Variants in LAMA3 observed in about 807,000 individuals in gnomAD.
LAMA3 encodes laminin subunit alpha-3.
In LAMA3, 281 loss-of-function variants were observed where a neutral mutation model predicts 402.0. The ratio of observed to expected loss-of-function variants is 0.70; its 90% CI spans 0.63 to 0.77. The LOEUF is 0.77. Among genes scored for constraint, LAMA3 ranks in the 30% least tolerant of loss-of-function variants. The pLI is 0.00. For synonymous variants in LAMA3, 1,431 were observed against 1,558.4 expected (o/e 0.92, Z 1.93); for missense variants, 3,840 against 4,215.5 (o/e 0.91, Z 2.47).
At chr18:23,787,588 C>T (rs1454804238) in intron 12 of LAMA3, among the ~76,000 whole-genome samples, 1 of 152,128 alleles carries the variant, frequency 6.6e-6, no homozygotes, top group Non-Finnish European at 1.5e-5. Context: ...AAAAAAGACT[C>T]ATTATGAACA....
Position 23,949,852 on chromosome 18 carries a change from G to C in LAMA3, c.9439G>C (p.Val3147Leu). Residue 3147 changes from valine to leucine, a missense_variant, in exon 71 of 75, where the codon GTG becomes CTG. Val to Leu is a conservative substitution (Grantham distance 32). Around this residue, in one of 3 missense-constraint regions of LAMA3, gnomAD observed 840 missense variants for 981.9 expected, o/e 0.86. Transcript: ENST00000313654. ...GTATACCCCTTCTTCAAGCTTCGGG[G>C]TGTCTTCCTGCTTGGGTGGTCCTTT... ...PLYTPSSSFG[V>L]SSCLGGPLEK... 7 of 1,613,968 alleles carry C rather than the reference G, an allele frequency of 4.3e-6. No individual in the cohort carries two copies. Among genetic ancestry groups the C allele is most frequent in the Non-Finnish European group, 5.1e-6 (6 of 1,179,990 alleles).
chr18:23,905,215 A>G (rs538756636), intron 51 of LAMA3, among the ~76,000 whole-genome samples: 1 of 152,346 alleles, frequency 6.6e-6, no homozygotes, highest in South Asian at 2.1e-4. Context: ...AAAGCCTGAA[A>G]ACAACTAAGT....
At chr18:23,838,452 C>T (rs1049421451) in intron 25 of LAMA3, among the ~76,000 whole-genome samples, 12 of 152,006 alleles carry the variant, frequency 7.9e-5, no homozygotes, top group Admixed American at 7.2e-4. Flanking sequence ...CCAGGATTGG[C>T]GCAAGACAAG....
chr18:23,827,517 G>A (rs1342828522), intron 23 of LAMA3, 50 bp downstream of exon 23: 6 of 1,590,174 alleles, frequency 3.8e-6, no homozygotes, highest in African/African-American at 1.3e-5. Flanking sequence ...CTCCCCATCT[G>A]TATCTGCTAA....
intron 20 of LAMA3, 123 bp from the exon 21 acceptor site, chr18:23,824,300 C>T: frequency 1.1e-6 from 1 of 928,396 alleles, no homozygotes; most frequent in East Asian, 2.4e-5. Flanking sequence ...ATCAGTAAAT[C>T]TGATCAGTAC....
chr18:23,936,697 G>C (rs1393485646), intron 67 of LAMA3, among the ~76,000 whole-genome samples: 2 of 152,190 alleles, frequency 1.3e-5, no homozygotes, highest in African/African-American at 4.8e-5. Flanking sequence ...GTGTTGGACA[G>C]TGTAGTGAGG....
chr18:23,854,124 G>A (rs2144682972), intron 32 of LAMA3, among the ~76,000 whole-genome samples: 1 of 152,300 alleles, frequency 6.6e-6, no homozygotes, highest in Admixed American at 6.5e-5. Flanking sequence ...AGTGCTCTCA[G>A]CTGCTACCCA....
At chr18:23,716,522 C>T (rs535043712) in intron 2 of LAMA3, among the ~76,000 whole-genome samples, 3 of 152,034 alleles carry the variant, frequency 2.0e-5, no homozygotes, top group Non-Finnish European at 4.4e-5. Context: ...TCAAAATGAC[C>T]CATACTGAAC....
chr18:23,840,377 CTTTCTTTTTTTT>C (rs2063672585), intron 27 of LAMA3, among the ~76,000 whole-genome samples: 1 of 79,514 alleles, frequency 1.3e-5, no homozygotes, highest in Non-Finnish European at 2.3e-5. Flanking sequence ...AAGAACCTTT[CTTTCTTTTTTTT>C]TTTTTTTTTT....
chr18:23,708,442 T>C (rs934688181), intron 1 of LAMA3, among the ~76,000 whole-genome samples: 9 of 152,208 alleles, frequency 5.9e-5, no homozygotes, highest in African/African-American at 1.7e-4. Context: ...TATAGCTTAA[T>C]TTGGGGAGAA....
intron 32 of LAMA3, among the ~76,000 whole-genome samples, chr18:23,855,601 A>G (rs1330874269): frequency 6.6e-6 from 1 of 152,222 alleles, no homozygotes; most frequent in Non-Finnish European, 1.5e-5. Flanking sequence ...CTCTGATAAG[A>G]GAATGCAAAA....
chr18:23,928,555 G>C, intron 63 of LAMA3, 70 bp from the exon 64 acceptor site: 2 of 1,420,216 alleles, frequency 1.4e-6, no homozygotes, highest in South Asian at 2.3e-5. Context: ...AAGTGAGATA[G>C]GGTAAGGTAC....
intron 12 of LAMA3, among the ~76,000 whole-genome samples, chr18:23,804,884 C>T (rs1054630254): frequency 6.6e-6 from 1 of 152,182 alleles, no homozygotes; most frequent in African/African-American, 2.4e-5. Flanking sequence ...TGTACTGGCT[C>T]CCCTTTACCT....
rs763681657 is a variant in LAMA3 at position 23,939,232 on chromosome 18, G to A, written c.8872G>A (p.Asp2958Asn). ...KTFRINQLLQDTPVASPRSVK... is the reference protein window; with the variant it reads ...KTFRINQLLQNTPVASPRSVK... ...CTCTTTTCCCATGCAGCTGTTGCAG[G>A]ACACACCAGTGGCCTCCCCAAGGAG... Residue 2958 changes from aspartate to asparagine, a missense_variant, in exon 68 of 75, where the codon GAC becomes AAC. This residue lies in a region of LAMA3 where 840 missense variants were observed against 981.9 expected (regional missense o/e 0.86). Coordinates refer to ENST00000313654, the MANE Select transcript of LAMA3 (RefSeq NM_198129.4). 5.0e-6 allele frequency: 8 copies of A among 1,613,958 alleles called. 1 individual carries two copies. In the South Asian group the frequency reaches 7.7e-5, roughly 16 times the overall value.
Position 23,901,220 on chromosome 18 carries a change from C to T in LAMA3, c.6098C>T (p.Ala2033Val). 1 of 1,614,096 alleles carries T rather than the reference C, an allele frequency of 6.2e-7. No individual in the cohort carries two copies. The highest frequency in any genetic ancestry group is 1.1e-5 in the South Asian group (1 of 91,082). ...SIRDSLNEYEAKLSDLRARLQ... is the reference protein window; with the variant it reads ...SIRDSLNEYEVKLSDLRARLQ... ...CGGGATTCTTTAAATGAATACGAAG[C>T]CAAACTCAGTGACCTTCGTGCTCGG... The change falls in exon 48 of 75, where the codon GCC becomes GTC. Residue 2033 changes from alanine (A) to valine (V), a missense_variant. Transcript: ENST00000313654.
At chr18:23,940,076 C>G (rs1367139632) in intron 68 of LAMA3, among the ~76,000 whole-genome samples, 1 of 152,152 alleles carries the variant, frequency 6.6e-6, no homozygotes, top group East Asian at 1.9e-4. Flanking sequence ...CCAGGGCAGC[C>G]CCTCTGAGAC....
At chr18:23,818,807 A>G (rs74949574) in intron 18 of LAMA3, among the ~76,000 whole-genome samples, 3 of 152,266 alleles carry the variant, frequency 2.0e-5, no homozygotes, top group East Asian at 1.9e-4. Flanking sequence ...ACTTCACATC[A>G]TATTGTAAAT....
chr18:23,776,064 T>C (rs2062311406), intron 10 of LAMA3, 141 bp downstream of exon 10: 1 of 857,088 alleles, frequency 1.2e-6, no homozygotes, highest in African/African-American at 1.7e-5. Flanking sequence ...GTAAAAGTGT[T>C]TCTGAAAGTT....
intron 1 of LAMA3, among the ~76,000 whole-genome samples, chr18:23,693,976 A>T (rs1293695368): frequency 6.6e-6 from 1 of 151,472 alleles, no homozygotes; most frequent in Admixed American, 6.6e-5. Flanking sequence ...GCAGGGCTGC[A>T]TCTGCTCAGA....
Sources: gnomAD v4.1 joint callset for allele counts (sites outside exome capture counted in the v4.1 genomes callset) on GRCh38, gnomAD v4.1.1 for gene constraint, gnomAD v4.1.1 regional missense constraint, MANE v1.5 for transcripts, NCBI Gene and HGNC (gene_info 2026-07-23, HGNC 2026-07-21) for gene names.